ARHGAP32: variants seen among roughly 807,000 people sequenced by gnomAD.
ARHGAP32 encodes the protein rho GTPase-activating protein 32.
A neutral mutation model predicts 186.5 loss-of-function variants in ARHGAP32; 51 were observed. The observed-to-expected ratio is 0.27, with a 90% CI of 0.22 to 0.35. The LOEUF (loss-of-function observed/expected upper bound fraction) is 0.35. ARHGAP32 is among the 10% of genes least tolerant of loss of function. The pLI, the probability that ARHGAP32 is intolerant of heterozygous loss-of-function variation, is 1.00. For synonymous variants in ARHGAP32, 950 were observed against 964.3 expected (o/e 0.99, Z 0.27); for missense variants, 2,186 against 2,623.5 (o/e 0.83, Z 3.64).
Position 129,000,482 on chromosome 11 carries a change from T to TA in ARHGAP32, c.1046-2015dup, listed in dbSNP as rs1946325644. On this transcript the variant is annotated intron_variant, in intron 11 of 22. Transcript: ENST00000682385. ...GTCTTACTGAAGCCTACTATACATT[T>TA]AAAAAAATTTTCATGGGTACACAGT... Among the ~76,000 whole-genome samples the TA allele has an allele frequency of 3.3e-5, 5 of 152,204 alleles. No individual in the cohort carries two copies. In the South Asian group the frequency reaches 1.0e-3, roughly 32 times the overall value.
At chr11:129,245,573 C>T (rs1945081538) in intron 1 of ARHGAP32, among the ~76,000 whole-genome samples, 1 of 149,572 alleles carries the variant, frequency 6.7e-6, no homozygotes, top group African/African-American at 2.5e-5. Flanking sequence ...ACAATGTGCA[C>T]ATGTACCCTA....
At chr11:129,193,581 T>TTATATATAATATATAATATAA (rs1491499621), upstream of ARHGAP32, among the ~76,000 whole-genome samples, 1 of 55,814 alleles carries the variant, frequency 1.8e-5, no homozygotes, top group Non-Finnish European at 3.1e-5. Context: ...TATATATATA[T>TTATATATAATATATAATATAA]TATATAATAT....
At chr11:129,217,894 T>C (rs1028396107) in intron 1 of ARHGAP32, among the ~76,000 whole-genome samples, 5 of 152,170 alleles carry the variant, frequency 3.3e-5, no homozygotes, top group Non-Finnish European at 7.4e-5. Flanking sequence ...TGTGGGACCC[T>C]GGGCAGGCTA....
rs562016126 is a variant in ARHGAP32, at chr11:128,974,381, G to A, written c.2816C>T (p.Thr939Ile). The change falls in exon 21 of 23, where the codon ACA (threonine) becomes ATA (isoleucine). Residue 939 changes from threonine (T) to isoleucine (I), a missense_variant. By Grantham distance (89) the Thr-to-Ile change is moderately conservative. Around this residue, in one of 5 missense-constraint regions of ARHGAP32, gnomAD observed 1,502 missense variants for 1,570.0 expected, o/e 0.96. Transcript: ENST00000682385. ...ATTCTGAGCTGTGGTATTTGAGACTGTACCAATGACTTCTGACACCCGTGG... is the reference window on the plus strand; with the variant it reads ...ATTCTGAGCTGTGGTATTTGAGACTATACCAATGACTTCTGACACCCGTGG... ...LPPRVSEVIG[T>I]VSNTTAQNAS... is the part of the protein sequence containing the mutation. 5.6e-6 allele frequency: 9 copies of A among 1,614,174 alleles called. No individual in the cohort carries two copies. Among genetic ancestry groups the A allele is most frequent in the East Asian group, 4.5e-5 (2 of 44,882 alleles).
At chr11:129,198,992 GTGACCCT>G (rs1944426747) in intron 1 of ARHGAP32, among the ~76,000 whole-genome samples, 1 of 152,190 alleles carries the variant, frequency 6.6e-6, no homozygotes, top group African/African-American at 2.4e-5. Context: ...CAGAGTAAAG[GTGACCCT>G]TGCTATGTTT....
At chr11:128,998,196 T>C (rs962123557) in intron 12 of ARHGAP32, 123 bp downstream of exon 12, 3 of 764,324 alleles carry the variant, frequency 3.9e-6, no homozygotes, top group African/African-American at 1.8e-5. Context: ...GAAAGCTTAG[T>C]ACATGCATTG....
chr11:129,008,956 GT>G, intron 11 of ARHGAP32, among the ~76,000 whole-genome samples: 1 of 152,236 alleles, frequency 6.6e-6, no homozygotes, highest in East Asian at 1.9e-4. Context: ...ATGAATCTTT[GT>G]TATAGAGTGG....
At position 128,965,454 on chromosome 11, in the gene ARHGAP32, G is replaced by A. The variant is rs561812533; in HGVS notation, c.*3453C>T. 11 of 152,242 alleles carry A rather than the reference G, an allele frequency of 7.2e-5. No individual in the cohort carries two copies. The South Asian group carries it at 1.2e-3, about 17-fold the overall frequency. The allele number at this position is 152,242 out of a possible 1,614,324, so 9.4% of individuals were successfully genotyped here. A position where few individuals can be genotyped will look rare whatever the true frequency, so the allele number is the denominator to read the frequency against. ...AGGATGCTTCTCTCATGCAGGTCAT[G>A]GTTGAAAAATCAGGTTTTGCTATCT... On this transcript the variant is annotated 3_prime_UTR_variant, in exon 23 of 23. Coordinates refer to ENST00000682385, the MANE Select transcript of ARHGAP32 (RefSeq NM_001378024.1).
intron 2 of ARHGAP32, among the ~76,000 whole-genome samples, chr11:129,132,901 T>A (rs1942845196): frequency 6.6e-6 from 1 of 152,086 alleles, no homozygotes; most frequent in Non-Finnish European, 1.5e-5. Context: ...AAAACCCAAA[T>A]ATAAATTTTA....
intron 1 of ARHGAP32, among the ~76,000 whole-genome samples, chr11:129,239,913 C>T: frequency 6.6e-6 from 1 of 152,168 alleles, no homozygotes; most frequent in East Asian, 1.9e-4. Context: ...CAGCAGATCC[C>T]AAATTTCTTC....
Position 128,971,005 on chromosome 11 carries a change from C to T in ARHGAP32, c.4208G>A (p.Gly1403Asp). ...CAGGTGCAGCAGCGGGACCCGGGCA[C>T]CGTCCCGCACTTTCTCAGGCAGGCC... is the stretch of plus-strand genomic sequence containing the variant. ...QPGLPEKVRD[G>D]ARVPLLHLRA... is the part of the protein sequence containing the mutation. Residue 1403 changes from glycine (G) to aspartate (D), a missense_variant, in exon 23 of 23, where the codon GGT (glycine) becomes GAT (aspartate). Coordinates refer to ENST00000682385, the MANE Select transcript of ARHGAP32 (RefSeq NM_001378024.1). 6.2e-7 allele frequency: 1 copy of T among 1,613,758 alleles called. No homozygotes were observed. Among genetic ancestry groups the T allele is most frequent in the Non-Finnish European group, 8.5e-7 (1 of 1,180,034 alleles).
In ARHGAP32 at chr11:128,980,722, G is replaced by A. The variant is rs1406721786; in HGVS notation, c.1807C>T (p.Leu603=). The change falls in exon 18 of 23, where the codon CTG becomes TTG. Residue 603 remains leucine, a synonymous_variant. Transcript: ENST00000682385. ...AGTTTGGTGGATGGAGAGGATACCA[G>A]GAGGGACTTGGGCCTTGATAGAGAA... ...AASLSRPKSL[L]VSSPSTKLLT... 6.2e-7 allele frequency: 1 copy of A among 1,613,208 alleles called. No homozygotes were observed. The highest frequency in any genetic ancestry group is 2.2e-5 in the East Asian group (1 of 44,858).
At chr11:129,107,753 A>T (rs1386910644) in intron 5 of ARHGAP32, among the ~76,000 whole-genome samples, 3 of 151,922 alleles carry the variant, frequency 2.0e-5, no homozygotes, top group Admixed American at 6.6e-5. Context: ...CTGTAATCCC[A>T]GCTACTTGGG....
At chr11:129,148,063 G>T (rs563236992) in intron 2 of ARHGAP32, among the ~76,000 whole-genome samples, 1 of 152,290 alleles carries the variant, frequency 6.6e-6, no homozygotes, top group African/African-American at 2.4e-5. Flanking sequence ...TTACTTACAT[G>T]AATAGACTTA....
At chr11:128,980,436 A>C in intron 18 of ARHGAP32, 117 bp downstream of exon 18, 1 of 696,342 alleles carries the variant, frequency 1.4e-6, no homozygotes, top group Non-Finnish European at 2.2e-6. Context: ...TTTCTCTGGG[A>C]CTAGCCTAGA....
chr11:129,199,141 C>T lies in ARHGAP32; in HGVS notation c.-4-34714G>A, dbSNP rs544141188. Reference sequence around the variant, plus strand: ...AAGCATTCAAGATGTGACTGGGTTGCTGTTAAAAAGCATTCAGTTTTATAA... The same window carrying T: ...AAGCATTCAAGATGTGACTGGGTTGTTGTTAAAAAGCATTCAGTTTTATAA... On this transcript the variant is annotated intron_variant, in intron 1 of 6. Coordinates refer to the ARHGAP32 transcript ENST00000525234. Among the ~76,000 whole-genome samples the T allele has an allele frequency of 1.6e-4, 24 of 152,278 alleles. No individual in the cohort carries two copies. The South Asian group carries it at 4.6e-3, about 29-fold the overall frequency.
intron 11 of ARHGAP32, among the ~76,000 whole-genome samples, chr11:129,040,479 T>C (rs1387966653): frequency 6.6e-6 from 1 of 152,188 alleles, no homozygotes; most frequent in East Asian, 1.9e-4. Flanking sequence ...ATATTCTAGA[T>C]ATTTATGCAG....
At chr11:129,193,226 C>A (rs1186583454), upstream of ARHGAP32, among the ~76,000 whole-genome samples, 1 of 142,276 alleles carries the variant, frequency 7.0e-6, no homozygotes, top group Non-Finnish European at 1.5e-5. Context: ...AATCCCAACA[C>A]TTTGAGAGGC....
At chr11:129,130,324 AC>A (rs1942781463) in intron 2 of ARHGAP32, among the ~76,000 whole-genome samples, 1 of 152,164 alleles carries the variant, frequency 6.6e-6, no homozygotes, top group African/African-American at 2.4e-5. Flanking sequence ...TAAATAATAT[AC>A]AAAAATTAAT....
Sources: allele counts gnomAD v4.1 joint callset (sites outside exome capture counted in the v4.1 genomes callset), GRCh38; gene constraint gnomAD v4.1.1; regional missense constraint gnomAD v4.1.1; transcripts MANE v1.5; gene names NCBI Gene and HGNC (gene_info 2026-07-23, HGNC 2026-07-21).